The following NLRP1 variants were observed in gnomAD, a reference collection of about 807,000 sequenced individuals.
The protein encoded by NLRP1 is NACHT, LRR and PYD domains-containing protein 1.
Under a neutral mutation model 136.7 loss-of-function variants are expected in NLRP1, and 94 were observed. The observed-to-expected ratio is 0.69, with a 90% CI of 0.58 to 0.82. The LOEUF (loss-of-function observed/expected upper bound fraction) is 0.82, where lower values mean the gene tolerates loss of function less well. Among genes scored for constraint, NLRP1 ranks in the 40% least tolerant of loss-of-function variants. The pLI is 0.00. For synonymous variants in NLRP1, 690 were observed against 725.1 expected, an observed-to-expected ratio of 0.95 and a Z score of 0.78; for missense variants, 1,575 against 1,802.7, an observed-to-expected ratio of 0.87 and a Z score of 2.29.
intron 15 of NLRP1, among the ~76,000 whole-genome samples, chr17:5,506,301 A>T (rs1238635698): frequency 1.6e-4 from 23 of 144,804 alleles, no homozygotes; most frequent in Non-Finnish European, 3.0e-4. Flanking sequence ...AAAAAAAAAA[A>T]TCATCAAACA....
In NLRP1 at chr17:5,583,660, G is replaced by A. The variant is rs199632903; in HGVS notation, c.271+27C>T. 170 of 1,544,098 alleles carry A rather than the reference G, an allele frequency of 1.1e-4. No individual in the cohort carries two copies. Among genetic ancestry groups the A allele is most frequent in the African/African-American group, 4.1e-5 (3 of 72,882 alleles). ...GCATGAGGGCCAGGGGATGTCCCGC[G>A]GGCAGTGGGGTCCTCTGTCCACTCA... On this transcript the variant is annotated intron_variant, in intron 1 of 16. Transcript: ENST00000572272. The surrounding 1 kb of genome is among the most constrained non-coding windows in gnomAD (Gnocchi z 4.5).
chr17:5,503,247 A>G (rs1326034281), intron 15 of NLRP1: 1 of 152,358 alleles, frequency 6.6e-6, no homozygotes, highest in African/African-American at 2.4e-5. Flanking sequence ...AGTGGGATGG[A>G]AGAGCTTTAT....
chr17:5,533,559 T>G (rs1301549174), intron 9 of NLRP1, among the ~76,000 whole-genome samples, 175 bp from the exon 10 acceptor site: 2 of 149,142 alleles, frequency 1.3e-5, no homozygotes, highest in Admixed American at 6.7e-5. Context: ...CTGTTTTTTT[T>G]TTTTTTTTTT....
intron 5 of NLRP1, among the ~76,000 whole-genome samples, chr17:5,549,296 TTCAACAGGG>T (rs1339673417): frequency 6.6e-6 from 1 of 152,192 alleles, no homozygotes; most frequent in East Asian, 1.9e-4. Flanking sequence ...TTTTTTCTTT[TTCAACAGGG>T]TCTCCCTTTG....
chr17:5,536,720 C>T (rs898527560), intron 8 of NLRP1, 131 bp downstream of exon 8: 9 of 631,936 alleles, frequency 1.4e-5, no homozygotes, highest in Non-Finnish European at 2.6e-5. Context: ...GACAAGTGCA[C>T]CTCACTCTGG....
At chr17:5,547,814 C>T (rs954628556) in intron 5 of NLRP1, among the ~76,000 whole-genome samples, 2 of 152,188 alleles carry the variant, frequency 1.3e-5, no homozygotes, top group Non-Finnish European at 2.9e-5. Flanking sequence ...CTTACTCTGC[C>T]TGCTCAACTT....
intron 11 of NLRP1, among the ~76,000 whole-genome samples, chr17:5,531,078 T>C (rs907186204): frequency 2.0e-5 from 3 of 152,230 alleles, no homozygotes; most frequent in Non-Finnish European, 4.4e-5. Context: ...TTCGTATATG[T>C]AAGGGGCCTA....
chr17:5,535,557 A>G (rs1910938006), intron 8 of NLRP1, among the ~76,000 whole-genome samples: 1 of 152,130 alleles, frequency 6.6e-6, no homozygotes, highest in African/African-American at 2.4e-5. Flanking sequence ...CCCCAGGTGC[A>G]TTTGCGCAGA....
At chr17:5,576,851 A>G (rs945987497) in intron 3 of NLRP1, among the ~76,000 whole-genome samples, 3 of 152,234 alleles carry the variant, frequency 2.0e-5, no homozygotes, top group Admixed American at 1.3e-4. Flanking sequence ...ACATTGATGC[A>G]AAAATCCTCA....
chr17:5,508,941 C>CA (rs1907490183), intron 15 of NLRP1, among the ~76,000 whole-genome samples: 1 of 152,014 alleles, frequency 6.6e-6, no homozygotes, highest in African/African-American at 2.4e-5. Flanking sequence ...GCAACAAGGC[C>CA]AAAAAAATCT....
At chr17:5,567,196 C>A (rs1343338864) in intron 3 of NLRP1, among the ~76,000 whole-genome samples, 1 of 151,836 alleles carries the variant, frequency 6.6e-6, no homozygotes, top group African/African-American at 2.4e-5. Flanking sequence ...CTTACTCTTG[C>A]CATTTTATTA....
At chr17:5,503,096 AG>A (rs1387865018) in intron 15 of NLRP1, 2 of 145,308 alleles carry the variant, frequency 1.4e-5, no homozygotes, top group African/African-American at 2.6e-5. Context: ...GTGCAATGGG[AG>A]GGTTTTCAAG....
At chr17:5,529,085 C>T (rs9303193) in intron 12 of NLRP1, among the ~76,000 whole-genome samples, 45,953 of 152,018 alleles carry the variant, frequency 0.3, 8,230 homozygotes, top group Non-Finnish European at 0.4. Flanking sequence ...CCCTTTCTTT[C>T]TGGCTGATGT....
Position 5,558,921 on chromosome 17 carries a change from C to T in NLRP1, c.1775G>A (p.Arg592Lys). The change falls in exon 4 of 17, where the codon AGG (arginine) becomes AAG (lysine). Residue 592 changes from arginine (R) to lysine (K), a missense_variant. Coordinates refer to ENST00000572272, the MANE Select transcript of NLRP1 (RefSeq NM_033004.4). ...KKTLFSPDDL[R>K]KHGLDGAIIS... Reference sequence around the variant, plus strand: ...GATGGCCCCATCTAACCCATGCTTCCTGAGGTCATCTGGACTGAAAAGGGT... The same window carrying T: ...GATGGCCCCATCTAACCCATGCTTCTTGAGGTCATCTGGACTGAAAAGGGT... 6.2e-7 allele frequency: 1 copy of T among 1,614,198 alleles called. No individual in the cohort carries two copies. The highest frequency in any genetic ancestry group is 2.2e-5 in the East Asian group (1 of 44,872).
chr17:5,521,069 T>A (rs1004974052), intron 13 of NLRP1, 57 bp from the exon 14 acceptor site: 4 of 1,504,304 alleles, frequency 2.7e-6, no homozygotes, highest in Non-Finnish European at 2.7e-6. Flanking sequence ...GAATGTGGTT[T>A]GAATAGGGGG....
At chr17:5,576,402 G>A (rs571119602) in intron 3 of NLRP1, among the ~76,000 whole-genome samples, 4 of 152,292 alleles carry the variant, frequency 2.6e-5, no homozygotes, top group African/African-American at 9.6e-5. Flanking sequence ...GAAGAAAAGA[G>A]AGAAGAATCA....
chr17:5,560,131 C>A, intron 3 of NLRP1, 88 bp from the exon 4 acceptor site: 1 of 1,201,324 alleles, frequency 8.3e-7, no homozygotes, highest in Non-Finnish European at 1.1e-6. Flanking sequence ...GCACCTACTC[C>A]AAGCCACACA....
chr17:5,516,740 T>C (rs1908168141), intron 15 of NLRP1, among the ~76,000 whole-genome samples: 1 of 152,326 alleles, frequency 6.6e-6, no homozygotes, highest in African/African-American at 2.4e-5. Flanking sequence ...AGAGTGGGAT[T>C]TGAATCCAGG....
intron 5 of NLRP1, among the ~76,000 whole-genome samples, chr17:5,550,580 T>C (rs1481171596): frequency 1.3e-5 from 2 of 152,186 alleles, no homozygotes; most frequent in Non-Finnish European, 2.9e-5. Flanking sequence ...TGAATCTTCT[T>C]ACATTTTAGT....
Sources: allele counts gnomAD v4.1 joint callset (sites outside exome capture counted in the v4.1 genomes callset), GRCh38; gene constraint gnomAD v4.1.1; non-coding constraint Gnocchi (gnomAD v3.1); transcripts MANE v1.5; gene names NCBI Gene and HGNC (gene_info 2026-07-23, HGNC 2026-07-21).